The following TUT7 variants were observed in gnomAD, a reference collection of about 807,000 sequenced individuals.
TUT7 encodes terminal uridylyltransferase 7.
In TUT7, 33 loss-of-function variants were observed where a neutral mutation model predicts 165.9. The observed-to-expected ratio is 0.20, with a 90% confidence interval of 0.15 to 0.27. The LOEUF (loss-of-function observed/expected upper bound fraction) is 0.27, where lower values mean the gene tolerates loss of function less well. Among genes scored for constraint, TUT7 ranks in the 10% least tolerant of loss-of-function variants. The pLI, the probability that TUT7 is intolerant of heterozygous loss-of-function variation, is 1.00. For missense variants in TUT7, 1,338 were observed against 1,762.3 expected, an observed-to-expected ratio of 0.76 and a Z score of 4.31; for synonymous variants, 552 against 608.1, an observed-to-expected ratio of 0.91 and a Z score of 1.36.
chr9:86,323,171 G>A lies in TUT7; in HGVS notation c.2579C>T (p.Pro860Leu), dbSNP rs371362648. The change falls in exon 13 of 27, where the codon CCT (proline) becomes CTT (leucine). Residue 860 changes from proline (P) to leucine (L), a missense_variant. Physicochemically the swap from Pro to Leu is moderately conservative, Grantham distance 98 (BLOSUM62 -3). This residue lies in a region of TUT7 where 425 missense variants were observed against 474.9 expected (regional missense o/e 0.89). Coordinates refer to ENST00000375963, the MANE Select transcript of TUT7 (RefSeq NM_024617.4). ...TTCCCTTTGGTTAATGGTGAGCCTA[G>A]GTTCTTCTTCCTCCTCCTCTTCTTC... is the stretch of plus-strand genomic sequence containing the variant. ...DDEEEEEEEEPRLTINQREDE... is the reference protein window; with the variant it reads ...DDEEEEEEEELRLTINQREDE... 9.0e-5 allele frequency: 145 copies of A among 1,614,116 alleles called. 3 individuals are homozygous for A. The South Asian group carries it at 1.6e-3, about 17-fold the overall frequency.
chr9:86,343,541 T>G (rs1427529930), intron 5 of TUT7, among the ~76,000 whole-genome samples: 2 of 152,210 alleles, frequency 1.3e-5, no homozygotes, highest in Non-Finnish European at 2.9e-5. Context: ...TTGTTTAAAT[T>G]TATAAACCTG....
intron 5 of TUT7, 145 bp downstream of exon 5, chr9:86,344,832 G>A (rs1831617777): frequency 2.7e-6 from 2 of 752,510 alleles, no homozygotes; most frequent in Non-Finnish European, 4.1e-6. Flanking sequence ...GGGAAAGCCA[G>A]GGAAAACAAA....
intron 25 of TUT7, chr9:86,301,945 A>G (rs1384976427): frequency 4.1e-6 from 3 of 728,700 alleles, no homozygotes; most frequent in Non-Finnish European, 5.0e-6. Flanking sequence ...TTTCTGGCAC[A>G]TTAGCATTCT....
At chr9:86,339,387 G>C (rs1183176157) in intron 8 of TUT7, among the ~76,000 whole-genome samples, 2 of 152,098 alleles carry the variant, frequency 1.3e-5, no homozygotes, top group African/African-American at 4.8e-5. Flanking sequence ...GCGTGGTGGT[G>C]GGCACCTGTA....
Position 86,329,248 on chromosome 9 carries a change from G to A in TUT7, c.1456-756C>T, listed in dbSNP as rs77201937. Among the ~76,000 whole-genome samples, 775 of 152,246 alleles carry A rather than the reference G, an allele frequency of 5.1e-3. 8 individuals carry two copies. Among genetic ancestry groups the A allele is most frequent in the African/African-American group, 0.017 (708 of 41,550 alleles). Reference sequence around the variant, plus strand: ...TAAAACAGGTTAATGAACAGGCCACGCATGGTGGCTCATGCCTGTAATCCC... The same window carrying A: ...TAAAACAGGTTAATGAACAGGCCACACATGGTGGCTCATGCCTGTAATCCC... On this transcript the variant is annotated intron_variant, in intron 10 of 26. Transcript: ENST00000375963.
intron 22 of TUT7, 35 bp downstream of exon 22, chr9:86,308,394 A>G (rs976784705): frequency 3.2e-6 from 5 of 1,570,952 alleles, no homozygotes; most frequent in Non-Finnish European, 4.3e-6. Flanking sequence ...CAAGCTCTAT[A>G]GTCTATTCGA....
At chr9:86,331,502 T>G (rs928020235) in intron 10 of TUT7, among the ~76,000 whole-genome samples, 1 of 152,222 alleles carries the variant, frequency 6.6e-6, no homozygotes, top group African/African-American at 2.4e-5. Flanking sequence ...TTTTATTTCA[T>G]GTATTTTGGT....
chr9:86,341,023 G>C lies in TUT7; in HGVS notation c.1117C>G (p.Gln373Glu). The C allele has an allele frequency of 6.2e-7, 1 of 1,611,600 alleles. No individual in the cohort carries two copies. Among genetic ancestry groups the C allele is most frequent in the East Asian group, 2.2e-5 (1 of 44,708 alleles). ...MSQPDVLLLV[Q>E]ECLKNSDSFI... ...TTACCACTGTTCTTTAAACATTCTT[G>C]AACAAGTAAGAGGACATCTGGCTGA... The change falls in exon 7 of 27, where the codon CAA (glutamine) becomes GAA (glutamate). Residue 373 changes from glutamine to glutamate, a missense_variant. Around this residue, in one of 7 missense-constraint regions of TUT7, gnomAD observed 434 missense variants for 480.8 expected, o/e 0.90. Transcript: ENST00000375963.
At chr9:86,328,860 T>C (rs1260022683) in intron 10 of TUT7, among the ~76,000 whole-genome samples, 1 of 152,092 alleles carries the variant, frequency 6.6e-6, no homozygotes, top group Admixed American at 6.5e-5. Context: ...GGCCTCAGGT[T>C]CCTTTAAAAA....
At chr9:86,327,710 A>G (rs1008630164) in intron 11 of TUT7, among the ~76,000 whole-genome samples, 2 of 152,248 alleles carry the variant, frequency 1.3e-5, no homozygotes, top group African/African-American at 4.8e-5. Context: ...TCCTCATTTT[A>G]GGCATGAGTA....
rs772875771 is a variant in TUT7 at position 86,338,778 on chromosome 9, T to C, written c.1335+45A>G. The C allele has an allele frequency of 6.7e-7, 1 of 1,493,714 alleles. No homozygotes were observed. The highest frequency in any genetic ancestry group is 2.5e-5 in the East Asian group (1 of 40,632). The allele number at this position is 1,493,714 out of a possible 1,614,324, so 92.5% of individuals were successfully genotyped here. Reference sequence around the variant, plus strand: ...TAAGTAAAAATCAAAGCATACTGCTTATACATATGTAGAATGTATTCATGC... The same window carrying C: ...TAAGTAAAAATCAAAGCATACTGCTCATACATATGTAGAATGTATTCATGC... On this transcript the variant is annotated intron_variant, in intron 9 of 26. Coordinates refer to ENST00000375963, the MANE Select transcript of TUT7 (RefSeq NM_024617.4).
At chr9:86,316,567 T>C (rs539570253) in intron 17 of TUT7, among the ~76,000 whole-genome samples, 1 of 152,370 alleles carries the variant, frequency 6.6e-6, no homozygotes, top group Admixed American at 6.5e-5. Flanking sequence ...TAGCAACTCC[T>C]ACACTTTGAC....
chr9:86,345,603 C>T, intron 4 of TUT7, 66 bp downstream of exon 4: 1 of 1,184,252 alleles, frequency 8.4e-7, no homozygotes. Flanking sequence ...GAGAAGAAAG[C>T]CACAAAGATG....
intron 14 of TUT7, among the ~76,000 whole-genome samples, chr9:86,321,123 C>T (rs1401915370): frequency 1.3e-5 from 2 of 151,024 alleles, no homozygotes; most frequent in Admixed American, 6.6e-5. Context: ...GAGGTCAAGG[C>T]GAGCGGATCA....
Position 86,340,988 on chromosome 9 carries a change from G to C in TUT7, c.1138+14C>G. 6.2e-7 allele frequency: 1 copy of C among 1,604,430 alleles called. No individual in the cohort carries two copies. The highest frequency in any genetic ancestry group is 1.3e-5 in the African/African-American group (1 of 74,764). ...ACAACATAAAAATTTTTTAAATGTG[G>C]AATTTGGCCTTACCACTGTTCTTTA... On this transcript the variant is annotated intron_variant, in intron 7 of 26. Coordinates refer to ENST00000375963, the MANE Select transcript of TUT7 (RefSeq NM_024617.4).
intron 11 of TUT7, among the ~76,000 whole-genome samples, chr9:86,327,442 T>C (rs577527946): frequency 2.0e-5 from 3 of 152,160 alleles, no homozygotes; most frequent in African/African-American, 7.2e-5. Flanking sequence ...TCCCCATGAG[T>C]AGGGAGGAAA....
chr9:86,354,041 G>T (rs1564110069), intron 1 of TUT7, among the ~76,000 whole-genome samples: 2 of 152,230 alleles, frequency 1.3e-5, no homozygotes. Flanking sequence ...CCACCGTGGG[G>T]ACCAGGAAGC....
chr9:86,345,279 T>C, intron 4 of TUT7, 125 bp from the exon 5 acceptor site: 1 of 882,834 alleles, frequency 1.1e-6, no homozygotes, highest in South Asian at 2.0e-5. Flanking sequence ...TTAGCTGTGT[T>C]AGTTTTCATC....
chr9:86,332,968 G>C (rs1015524057), intron 10 of TUT7, among the ~76,000 whole-genome samples: 1 of 152,102 alleles, frequency 6.6e-6, no homozygotes, highest in East Asian at 1.9e-4. Flanking sequence ...TTTGACAGTT[G>C]CATCTGGGTC....
Sources: allele counts gnomAD v4.1 joint callset (sites outside exome capture counted in the v4.1 genomes callset), GRCh38; gene constraint gnomAD v4.1.1; regional missense constraint gnomAD v4.1.1; transcripts MANE v1.5; gene names NCBI Gene and HGNC (gene_info 2026-07-23, HGNC 2026-07-21).